Variants in COL21A1 observed in about 807,000 individuals in gnomAD.
COL21A1 encodes the protein collagen alpha-1(XXI) chain.
Under a neutral mutation model 137.9 loss-of-function variants are expected in COL21A1, and 149 were observed. That is an observed-to-expected ratio of 1.08 (90% CI 0.95 to 1.24). COL21A1 has a LOEUF of 1.24. COL21A1 is among the 50% of genes most tolerant of loss of function. COL21A1 has a pLI of 0.00. For synonymous variants in COL21A1, 456 were observed against 391.5 expected (o/e 1.16, Z -1.95); for missense variants, 1,167 against 1,158.4 (o/e 1.01, Z -0.11).
chr6:56,158,253 CTTTTTTTTTTTTCTTTTTTTTT>C (rs1775913836), intron 9 of COL21A1, among the ~76,000 whole-genome samples: 1 of 104,908 alleles, frequency 9.5e-6, no homozygotes, highest in Non-Finnish European at 1.8e-5. Context: ...TGGGTTTTTT[CTTTTTTTTTTTTCTTTTTTTTT>C]TTTTTTTTTT....
Position 56,074,232 on chromosome 6 carries a change from C to G in COL21A1, c.1965G>C (p.Lys655Asn). Reference sequence around the variant, plus strand: ...GTCTTGTTTATTTTATCATATTTACCTTAGATCCCGGTGTTCCAGGCTGGC... The same window carrying G: ...GTCTTGTTTATTTTATCATATTTACGTTAGATCCCGGTGTTCCAGGCTGGC... ...SPGQPGTPGS[K>N]GSKGEPGIQG... The change falls in exon 20 of 30, where the codon AAG becomes AAC. Residue 655 changes from lysine (K) to asparagine (N), a missense_variant and splice_region_variant. By Grantham distance (94) the Lys-to-Asn change is moderately conservative. Coordinates refer to ENST00000244728, the MANE Select transcript of COL21A1 (RefSeq NM_030820.4). The G allele has an allele frequency of 6.3e-7, 1 of 1,579,042 alleles. No homozygotes were observed. Among genetic ancestry groups the G allele is most frequent in the Non-Finnish European group, 8.6e-7 (1 of 1,162,726 alleles).
intron 17 of COL21A1, among the ~76,000 whole-genome samples, chr6:56,085,993 T>C (rs781221707): frequency 6.7e-6 from 1 of 149,032 alleles, no homozygotes; most frequent in Non-Finnish European, 1.5e-5. Flanking sequence ...TATAAAAATA[T>C]CTAAATTATT....
intron 1 of COL21A1, among the ~76,000 whole-genome samples, chr6:56,275,122 C>T (rs571904971): frequency 6.6e-6 from 1 of 152,190 alleles, no homozygotes; most frequent in South Asian, 2.1e-4. Context: ...GAAAGGACTC[C>T]CTATTCAGTA....
intron 1 of COL21A1, among the ~76,000 whole-genome samples, chr6:56,306,156 C>T (rs1306159670): frequency 1.5e-5 from 2 of 129,836 alleles, no homozygotes; most frequent in African/African-American, 2.7e-5. Flanking sequence ...CTTTGGCTGC[C>T]CTTAACATTT....
chr6:56,393,131 T>C (rs566421288), intron 1 of COL21A1, among the ~76,000 whole-genome samples: 15 of 148,968 alleles, frequency 1.0e-4, no homozygotes, highest in Admixed American at 3.3e-4. Flanking sequence ...CAAAACAACA[T>C]GGTATTGGCA....
chr6:56,125,866 A>G (rs1314920947), intron 13 of COL21A1, among the ~76,000 whole-genome samples: 1 of 152,042 alleles, frequency 6.6e-6, no homozygotes. Context: ...AAACTTGTAT[A>G]CAGTATAACA....
chr6:56,225,915 G>A (rs1171046877), intron 1 of COL21A1: 3 of 151,944 alleles, frequency 2.0e-5, no homozygotes, highest in Non-Finnish European at 4.4e-5. Flanking sequence ...GAGATCCCTG[G>A]AAGCATACAG....
intron 1 of COL21A1, among the ~76,000 whole-genome samples, chr6:56,272,280 A>T (rs1447436121): frequency 6.6e-6 from 1 of 152,118 alleles, no homozygotes; most frequent in Non-Finnish European, 1.5e-5. Context: ...GTCATAGGAG[A>T]TTATTTTGGA....
intron 1 of COL21A1, among the ~76,000 whole-genome samples, chr6:56,194,993 G>A (rs1778929603): frequency 6.6e-6 from 1 of 152,058 alleles, no homozygotes. Flanking sequence ...GACTAGAATA[G>A]GAATGGGACT....
intron 1 of COL21A1, among the ~76,000 whole-genome samples, chr6:56,253,904 C>A (rs1391710529): frequency 6.6e-6 from 1 of 152,164 alleles, no homozygotes; most frequent in Non-Finnish European, 1.5e-5. Context: ...AAGTAACCTG[C>A]AAGTCTTACT....
intron 17 of COL21A1, among the ~76,000 whole-genome samples, chr6:56,087,002 G>A (rs1467201095): frequency 1.3e-5 from 2 of 152,124 alleles, no homozygotes; most frequent in African/African-American, 4.8e-5. Context: ...CTCTGATTTG[G>A]TGTCTGTTAC....
intron 2 of COL21A1, among the ~76,000 whole-genome samples, 183 bp from the exon 3 acceptor site, chr6:56,180,312 A>AAAAAAATT (rs1777800001): frequency 1.3e-5 from 2 of 152,324 alleles, no homozygotes; most frequent in African/African-American, 4.8e-5. Context: ...GAATAGGGAG[A>AAAAAAATT]AAAAAATTAA....
At chr6:56,324,971 A>G (rs1468088985) in intron 1 of COL21A1, among the ~76,000 whole-genome samples, 1 of 151,832 alleles carries the variant, frequency 6.6e-6, no homozygotes, top group Non-Finnish European at 1.5e-5. Flanking sequence ...AAGGGTCACA[A>G]AGAATATGAA....
At chr6:56,148,367 A>AGAGAGG (rs1561917574) in intron 10 of COL21A1, among the ~76,000 whole-genome samples, 1 of 151,710 alleles carries the variant, frequency 6.6e-6, no homozygotes, top group Non-Finnish European at 1.5e-5. Flanking sequence ...AGAGAGAGAG[A>AGAGAGG]GAAACACATA....
intron 1 of COL21A1, among the ~76,000 whole-genome samples, chr6:56,326,552 A>G (rs1765095765): frequency 6.6e-6 from 1 of 151,932 alleles, no homozygotes; most frequent in South Asian, 2.1e-4. Context: ...ATCTACTTGT[A>G]ATTCAGTGAT....
intron 1 of COL21A1, among the ~76,000 whole-genome samples, chr6:56,192,997 T>C (rs1242495807): frequency 6.6e-6 from 1 of 152,144 alleles, no homozygotes; most frequent in Non-Finnish European, 1.5e-5. Flanking sequence ...TAAAAAAGGA[T>C]GAGTTCACGT....
intron 1 of COL21A1, among the ~76,000 whole-genome samples, chr6:56,320,942 C>T (rs1015303462): frequency 1.3e-5 from 2 of 152,032 alleles, no homozygotes; most frequent in African/African-American, 4.8e-5. Flanking sequence ...TTACTTACTA[C>T]TTTATTTTAA....
At chr6:56,076,484 CAG>C (rs71788700) in intron 18 of COL21A1, among the ~76,000 whole-genome samples, 22,934 of 150,492 alleles carry the variant, frequency 0.15, 1,756 homozygotes, top group Middle Eastern at 0.22. Context: ...ATTAAAAAAA[CAG>C]AATCATGAAA....
intron 10 of COL21A1, among the ~76,000 whole-genome samples, chr6:56,149,229 A>G (rs1775089208): frequency 6.6e-6 from 1 of 152,228 alleles, no homozygotes; most frequent in South Asian, 2.1e-4. Flanking sequence ...CTTAATAGGC[A>G]TTAAAGATCA....
Sources: gnomAD v4.1 joint callset for allele counts (sites outside exome capture counted in the v4.1 genomes callset) on GRCh38, gnomAD v4.1.1 for gene constraint, MANE v1.5 for transcripts, NCBI Gene and HGNC (gene_info 2026-07-23, HGNC 2026-07-21) for gene names.